Variants in LIFR observed in about 807,000 individuals in gnomAD.
LIFR encodes the protein leukemia inhibitory factor receptor.
In LIFR, 84 loss-of-function variants were observed where a neutral mutation model predicts 122.2. The ratio of observed to expected loss-of-function variants is 0.69; its 90% CI spans 0.58 to 0.82. LIFR has a LOEUF of 0.82. Among genes scored for constraint, LIFR ranks in the 40% least tolerant of loss-of-function variants. LIFR has a pLI of 0.00. For missense variants in LIFR, 1,294 were observed against 1,311.6 expected (o/e 0.99, Z 0.21); for synonymous variants, 422 against 434.7 (o/e 0.97, Z 0.36).
In LIFR at chr5:38,523,515, T is replaced by C. The variant is rs368371692; in HGVS notation, c.465A>G (p.Leu155=). ...SADFSTSTLY[L]KWNDRGSVFP... ...AAACTGAACCCCTGTCGTTCCACTT[T>C]AGGTATAATGTAGAGGTTGAGAAAT... Residue 155 remains leucine, a synonymous_variant, in exon 5 of 20, where the codon CTA becomes CTG. Coordinates refer to ENST00000453190, the MANE Select transcript of LIFR (RefSeq NM_001127671.2). 4.6e-5 allele frequency: 74 copies of C among 1,613,018 alleles called. No homozygotes were observed. The highest frequency in any genetic ancestry group is 2.5e-4 in the African/African-American group (19 of 74,890).
At chr5:38,528,687 C>T (rs930202552) in intron 3 of LIFR, 39 bp downstream of exon 3, 4 of 1,238,980 alleles carry the variant, frequency 3.2e-6, no homozygotes, top group Admixed American at 3.9e-5. Flanking sequence ...TTCTGCAATT[C>T]AACCTAGCTC....
intron 1 of LIFR, among the ~76,000 whole-genome samples, chr5:38,552,512 A>G (rs2112657016): frequency 1.3e-5 from 2 of 152,332 alleles, no homozygotes; most frequent in South Asian, 4.1e-4. Context: ...AAAACATTCA[A>G]TACACACACC....
rs886060623 is a variant in LIFR at position 38,480,629 on chromosome 5, A to C, written c.*966T>G. The C allele has an allele frequency of 3.7e-5, 8 of 219,088 alleles. No homozygotes were observed. Among genetic ancestry groups the C allele is most frequent in the Admixed American group, 1.2e-4 (2 of 17,282 alleles). The allele number at this position is 219,088 out of a possible 1,614,324, so 13.6% of individuals were successfully genotyped here. A position where few individuals can be genotyped will look rare whatever the true frequency, so the allele number is the denominator to read the frequency against. On this transcript the variant is annotated 3_prime_UTR_variant, in exon 20 of 20. Coordinates refer to ENST00000453190, the MANE Select transcript of LIFR (RefSeq NM_001127671.2). ...CAACGGCATGGTCTCCTCAGGAGGA[A>C]CGAAATCCAATCAGAACTATATGGA...
At chr5:38,591,884 C>T (rs1453371698) in intron 1 of LIFR, among the ~76,000 whole-genome samples, 1 of 152,086 alleles carries the variant, frequency 6.6e-6, no homozygotes, top group African/African-American at 2.4e-5. Flanking sequence ...TAGAAGACAC[C>T]TTAAATTGGA....
At chr5:38,595,900 A>AT (rs1194084989), upstream of LIFR, among the ~76,000 whole-genome samples, 5 of 151,104 alleles carry the variant, frequency 3.3e-5, no homozygotes, top group African/African-American at 4.9e-5. Context: ...CGCCCGGCTA[A>AT]TTTTTTTGCA....
intron 18 of LIFR, among the ~76,000 whole-genome samples, chr5:38,483,383 T>C (rs1354011505): frequency 6.6e-6 from 1 of 152,136 alleles, no homozygotes; most frequent in Non-Finnish European, 1.5e-5. Flanking sequence ...TATTTTGTCT[T>C]TTTTTTCTTT....
chr5:38,482,587 A>G lies in LIFR; in HGVS notation c.2670+2T>C. 1 of 1,406,860 alleles carries G rather than the reference A, an allele frequency of 7.1e-7. No homozygotes were observed. The highest frequency in any genetic ancestry group is 1.3e-5 in the South Asian group (1 of 75,148). 87.1% of individuals were successfully genotyped at this position (1,406,860 alleles called of 1,614,324 possible). A position where few individuals can be genotyped will look rare whatever the true frequency, so the allele number is the denominator to read the frequency against. On this transcript the variant is annotated splice_donor_variant, in intron 19 of 19. Coordinates refer to ENST00000453190, the MANE Select transcript of LIFR (RefSeq NM_001127671.2). LOFTEE classifies it high-confidence loss of function. ...GATAAATATAAGAAAATAAAAGATT[A>G]CCTCACAGACACTCTTTTGAAACTG...
rs905926604 is a variant in LIFR at position 38,478,984 on chromosome 5, G to A, written c.*2611C>T. 29 of 230,978 alleles carry A rather than the reference G, an allele frequency of 1.3e-4. No homozygotes were observed. The highest frequency in any genetic ancestry group is 4.3e-5 in the Non-Finnish European group (5 of 116,654). 14.3% of individuals were successfully genotyped at this position (230,978 alleles called of 1,614,324 possible). A position where few individuals can be genotyped will look rare whatever the true frequency, so the allele number is the denominator to read the frequency against. On this transcript the variant is annotated 3_prime_UTR_variant, in exon 20 of 20. Transcript: ENST00000453190. ...ACTGGACAGAGCACAATCAGTATGA[G>A]ACCACCTTGTAAATGCAGGCATGCA...
chr5:38,572,634 G>A (rs545844645), intron 1 of LIFR, among the ~76,000 whole-genome samples: 11 of 152,224 alleles, frequency 7.2e-5, no homozygotes, highest in African/African-American at 2.6e-4. Context: ...CCTGAAGGGG[G>A]GTCAGAATAT....
chr5:38,557,723 T>C (rs1393184920), upstream of LIFR: 1 of 154,538 alleles, frequency 6.5e-6, no homozygotes, highest in Non-Finnish European at 1.5e-5. Context: ...GATCATGTAA[T>C]TAAATGGGCA....
chr5:38,554,476 A>T (rs1748407173), intron 1 of LIFR, among the ~76,000 whole-genome samples: 1 of 152,248 alleles, frequency 6.6e-6, no homozygotes, highest in African/African-American at 2.4e-5. Context: ...CAACCTACAT[A>T]TATCACAATG....
chr5:38,526,053 C>T lies in LIFR; in HGVS notation c.397+1102G>A, dbSNP rs1182461531. Among the ~76,000 whole-genome samples, 5 of 152,172 alleles carry T rather than the reference C, an allele frequency of 3.3e-5. No individual in the cohort carries two copies. The East Asian group carries it at 9.6e-4, about 29-fold the overall frequency. ...AAGGATTTTAAAAAGCCACTGCTCC[C>T]TTTCTTTTCTTTATAGCATATAGGG... On this transcript the variant is annotated intron_variant, in intron 4 of 19. Coordinates refer to ENST00000453190, the MANE Select transcript of LIFR (RefSeq NM_001127671.2).
At chr5:38,592,460 C>T (rs536943709) in intron 1 of LIFR, among the ~76,000 whole-genome samples, 2 of 151,870 alleles carry the variant, frequency 1.3e-5, no homozygotes, top group Non-Finnish European at 2.9e-5. Context: ...GAGTTTGAGA[C>T]CAGCCTGGCC....
Position 38,485,802 on chromosome 5 carries a change from A to T in LIFR, c.2497+17T>A. ...CATGCAGGATGGAAAGCACCTCAAC[A>T]GCAACCTGAAACTTACAATTTTCCT... On this transcript the variant is annotated intron_variant, in intron 17 of 19. Transcript: ENST00000453190. The T allele has an allele frequency of 6.2e-7, 1 of 1,613,964 alleles. No individual in the cohort carries two copies. The highest frequency in any genetic ancestry group is 8.5e-7 in the Non-Finnish European group (1 of 1,179,858).
chr5:38,542,571 T>C (rs1747649884), intron 1 of LIFR, among the ~76,000 whole-genome samples: 1 of 152,140 alleles, frequency 6.6e-6, no homozygotes, highest in Admixed American at 6.5e-5. Flanking sequence ...GAATCCTCCA[T>C]GGCTCTCCCT....
chr5:38,519,046 GTGTT>G (rs1746258064), intron 5 of LIFR, among the ~76,000 whole-genome samples: 1 of 152,202 alleles, frequency 6.6e-6, no homozygotes, highest in African/African-American at 2.4e-5. Context: ...GCTGTACTAT[GTGTT>G]TGTTTTAAGC....
At chr5:38,499,090 T>C (rs1280145730) in intron 12 of LIFR, among the ~76,000 whole-genome samples, 2 of 152,126 alleles carry the variant, frequency 1.3e-5, no homozygotes, top group Admixed American at 1.3e-4. Flanking sequence ...TACAAAATCA[T>C]ACAAAACTTT....
intron 1 of LIFR, among the ~76,000 whole-genome samples, chr5:38,533,767 T>C (rs893570931): frequency 5.3e-5 from 8 of 152,142 alleles, no homozygotes; most frequent in Non-Finnish European, 8.8e-5. Flanking sequence ...TGAGTTAGCA[T>C]GTCCTGCTGG....
intron 1 of LIFR, among the ~76,000 whole-genome samples, chr5:38,565,047 T>C (rs557557627): frequency 2.0e-5 from 3 of 152,198 alleles, no homozygotes; most frequent in Non-Finnish European, 4.4e-5. Flanking sequence ...GTGCTGGGAT[T>C]ACAGGTGTGA....
Sources: gnomAD v4.1 joint callset for allele counts (sites outside exome capture counted in the v4.1 genomes callset) on GRCh38, gnomAD v4.1.1 for gene constraint, MANE v1.5 for transcripts, NCBI Gene and HGNC (gene_info 2026-07-23, HGNC 2026-07-21) for gene names.